The following ZNF335 variants were observed in gnomAD, a reference collection of about 807,000 sequenced individuals.
ZNF335 encodes the protein zinc finger protein 335.
ZNF335 carries 84 observed loss-of-function variants against 145.6 expected under a neutral mutation model. The observed-to-expected ratio is 0.58, with a 90% CI of 0.48 to 0.69. The LOEUF (loss-of-function observed/expected upper bound fraction) is 0.69, where lower values mean the gene tolerates loss of function less well. Among genes scored for constraint, ZNF335 ranks in the 30% least tolerant of loss-of-function variants. The probability of loss-of-function intolerance (pLI) is 0.00; values close to 1 mark genes in which losing one functional copy is unlikely to be tolerated. For missense variants in ZNF335, 1,865 were observed against 1,809.7 expected (o/e 1.03, Z -0.55); for synonymous variants, 761 against 717.0 (o/e 1.06, Z -0.98).
Position 45,953,634 on chromosome 20 carries a change from C to G in ZNF335, c.2702+55G>C, listed in dbSNP as rs958936771. 8.1e-6 allele frequency: 13 copies of G among 1,596,098 alleles called. No homozygotes were observed. The African/African-American group carries it at 1.5e-4, about 18-fold the overall frequency. ...GGCTTGGGTGGGGCCCAAATCGGAC[C>G]GACCGACCACACCTACAAAAAGCTG... On this transcript the variant is annotated intron_variant, in intron 18 of 27. Coordinates refer to ENST00000322927, the MANE Select transcript of ZNF335 (RefSeq NM_022095.4).
chr20:45,972,059 C>T (rs1295142644), intron 1 of ZNF335, 63 bp downstream of exon 1: 1 of 1,273,414 alleles, frequency 7.9e-7, no homozygotes, highest in Non-Finnish European at 1.0e-6. Flanking sequence ...CGGGTATCCC[C>T]GCAGTGTGAC....
chr20:45,955,201 AAAAG>A (rs1033078577), intron 17 of ZNF335, among the ~76,000 whole-genome samples: 2 of 151,824 alleles, frequency 1.3e-5, no homozygotes, highest in African/African-American at 4.8e-5. Flanking sequence ...ATAAAAAAAT[AAAAG>A]AAGCCAGTCG....
At chr20:45,951,472 G>A (rs945540751) in intron 20 of ZNF335, among the ~76,000 whole-genome samples, 34 of 152,208 alleles carry the variant, frequency 2.2e-4, no homozygotes, top group Non-Finnish European at 1.0e-4. Context: ...TTGGCACCAG[G>A]GACTGGTTTT....
At chr20:45,957,769 C>A (rs1279733044) in intron 16 of ZNF335, 66 bp downstream of exon 16, 4 of 1,603,532 alleles carry the variant, frequency 2.5e-6, no homozygotes, top group Non-Finnish European at 3.4e-6. Flanking sequence ...CCCACCAGCA[C>A]GACCTGCCCC....
chr20:45,966,056 A>T (rs1300277855), intron 6 of ZNF335, among the ~76,000 whole-genome samples: 1 of 152,182 alleles, frequency 6.6e-6, no homozygotes, highest in African/African-American at 2.4e-5. Flanking sequence ...CTGTACAGCC[A>T]GTTAGAAAAA....
At chr20:45,958,438 C>T (rs2083768063) in intron 15 of ZNF335, among the ~76,000 whole-genome samples, 1 of 152,210 alleles carries the variant, frequency 6.6e-6, no homozygotes. Context: ...AATCCCACTC[C>T]TAATACATAG....
At chr20:45,952,026 C>T in intron 20 of ZNF335, 121 bp downstream of exon 20, 1 of 1,380,172 alleles carries the variant, frequency 7.2e-7, no homozygotes. Context: ...ATCTCTGACC[C>T]ATCTCATCCA....
chr20:45,951,388 T>A (rs978833860), intron 20 of ZNF335, among the ~76,000 whole-genome samples: 4 of 152,236 alleles, frequency 2.6e-5, no homozygotes, highest in African/African-American at 7.2e-5. Flanking sequence ...CCCACTCACC[T>A]TCTCCATGGT....
rs753469102 is a variant in ZNF335 at position 45,950,231 on chromosome 20, CCA to C, written c.3473_3474del (p.Leu1158ArgfsTer88). ...TIILNSDDET[L>X]ATLHTALQSS... ...AGGGGCAGCTCACTGTGCAGGGTGGCCAGTGTTTCGTCATCACTGTTCAGGAT... is the reference window on the plus strand; with the variant it reads ...AGGGGCAGCTCACTGTGCAGGGTGGCGTGTTTCGTCATCACTGTTCAGGAT... On this transcript the variant is annotated frameshift_variant, in exon 22 of 28. Transcript: ENST00000322927. LOFTEE classifies it high-confidence loss of function. 6.5e-7 allele frequency: 1 copy of C among 1,547,278 alleles called. No individual in the cohort carries two copies. Among genetic ancestry groups the C allele is most frequent in the Admixed American group, 1.9e-5 (1 of 51,736 alleles).
At chr20:45,959,504 G>T in intron 14 of ZNF335, 71 bp from the exon 15 acceptor site, 1 of 1,177,912 alleles carries the variant, frequency 8.5e-7, no homozygotes, top group South Asian at 2.1e-5. Flanking sequence ...ATCCTTTCTT[G>T]ACCCTAAGGA....
chr20:45,962,249 G>T, intron 9 of ZNF335, 67 bp from the exon 10 acceptor site: 1 of 1,269,938 alleles, frequency 7.9e-7, no homozygotes, highest in Non-Finnish European at 1.1e-6. Context: ...TCCCCACCAT[G>T]CCTGTGGCCA....
intron 9 of ZNF335, 133 bp from the exon 10 acceptor site, chr20:45,962,315 A>C: frequency 1.4e-6 from 1 of 689,910 alleles, no homozygotes; most frequent in Non-Finnish European, 2.5e-6. Flanking sequence ...TGGACAACAC[A>C]CCCCGACGCA....
chr20:45,949,667 C>A, intron 24 of ZNF335, 99 bp from the exon 25 acceptor site: 1 of 1,450,634 alleles, frequency 6.9e-7, no homozygotes. Flanking sequence ...GAACAGCCAC[C>A]AGCAACAATG....
intron 10 of ZNF335, 46 bp downstream of exon 10, chr20:45,962,024 C>CCCCA: frequency 8.9e-7 from 1 of 1,129,674 alleles, no homozygotes; most frequent in Non-Finnish European, 1.3e-6. Context: ...ACTTCCCCAC[C>CCCCA]CAACCTGGCC....
chr20:45,959,662 T>G (rs576294272), intron 14 of ZNF335, among the ~76,000 whole-genome samples: 1 of 152,296 alleles, frequency 6.6e-6, no homozygotes, highest in South Asian at 2.1e-4. Flanking sequence ...TGCAAAGTCA[T>G]GTGACTACAA....
chr20:45,971,153 C>G, intron 2 of ZNF335, 57 bp downstream of exon 2: 1 of 1,460,972 alleles, frequency 6.8e-7, no homozygotes, highest in Non-Finnish European at 9.0e-7. Flanking sequence ...TCTTGGCTGT[C>G]AGGCACTGCT....
rs879200490 is a variant in ZNF335, at chr20:45,949,161, G to A, written c.3901+9C>T. On this transcript the variant is annotated intron_variant, in intron 27 of 27. Coordinates refer to ENST00000322927, the MANE Select transcript of ZNF335 (RefSeq NM_022095.4). Reference sequence around the variant, plus strand: ...CCAGCCCCATGCTCCTCAGGATCCAGCTCCATACCTGTGACAGCTGAGTGT... The same window carrying A: ...CCAGCCCCATGCTCCTCAGGATCCAACTCCATACCTGTGACAGCTGAGTGT... The A allele has an allele frequency of 6.2e-7, 1 of 1,613,628 alleles. No individual in the cohort carries two copies. The highest frequency in any genetic ancestry group is 1.1e-5 in the South Asian group (1 of 91,062).
chr20:45,971,177 G>A lies in ZNF335; in HGVS notation c.201+33C>T, dbSNP rs538315466. 8 of 1,492,004 alleles carry A rather than the reference G, an allele frequency of 5.4e-6. No individual in the cohort carries two copies. The African/African-American group carries it at 8.4e-5, about 16-fold the overall frequency. The allele number at this position is 1,492,004 out of a possible 1,614,324, so 92.4% of individuals were successfully genotyped here. A position where few individuals can be genotyped will look rare whatever the true frequency, so the allele number is the denominator to read the frequency against. On this transcript the variant is annotated intron_variant, in intron 2 of 27. Transcript: ENST00000322927. ...TCAGGCACTGCTGCTCGCGGTCCTT[G>A]CCTCCACCCACGCCGTCCAGCCGGG...
At chr20:45,955,350 C>CAAAAAAAAAAAAAAAAAAAAA (rs61555698) in intron 17 of ZNF335, among the ~76,000 whole-genome samples, 1 of 37,332 alleles carries the variant, frequency 2.7e-5, no homozygotes, top group East Asian at 9.8e-4. Flanking sequence ...GACTCTGTCT[C>CAAAAAAAAAAAAAAAAAAAAA]AAAAAAAAAA....
Sources: gnomAD v4.1 joint callset for allele counts (sites outside exome capture counted in the v4.1 genomes callset) on GRCh38, gnomAD v4.1.1 for gene constraint, MANE v1.5 for transcripts, NCBI Gene and HGNC (gene_info 2026-07-23, HGNC 2026-07-21) for gene names.